SH3BP5: variants seen among roughly 807,000 people sequenced by gnomAD.
SH3BP5 encodes SH3 domain-binding protein 5.
Under a neutral mutation model 43.3 loss-of-function variants are expected in SH3BP5, and 22 were observed. The ratio of observed to expected loss-of-function variants is 0.51; its 90% CI spans 0.36 to 0.73. SH3BP5 has a LOEUF of 0.73. SH3BP5 is among the 30% of genes least tolerant of loss of function. SH3BP5 has a pLI of 0.00. For synonymous variants in SH3BP5, 255 were observed against 225.8 expected (o/e 1.13, Z -1.16); for missense variants, 529 against 586.9 (o/e 0.90, Z 1.02).
At chr3:15,317,070 G>A (rs921068932) in intron 2 of SH3BP5, among the ~76,000 whole-genome samples, 2 of 152,246 alleles carry the variant, frequency 1.3e-5, no homozygotes, top group Non-Finnish European at 1.5e-5. Flanking sequence ...CTTCACATAT[G>A]TCCTCAACTG....
chr3:15,262,520 G>C (rs1415212619), intron 4 of SH3BP5, among the ~76,000 whole-genome samples: 3 of 152,146 alleles, frequency 2.0e-5, no homozygotes, highest in Non-Finnish European at 4.4e-5. Flanking sequence ...AGCCGGGCCT[G>C]GTGGTGTGCT....
chr3:15,313,775 A>T (rs564401972), intron 2 of SH3BP5, among the ~76,000 whole-genome samples: 1 of 152,296 alleles, frequency 6.6e-6, no homozygotes, highest in East Asian at 1.9e-4. Flanking sequence ...AACACTTGAA[A>T]TGTGGCTGGT....
chr3:15,325,620 G>A (rs1698440747), intron 2 of SH3BP5, among the ~76,000 whole-genome samples: 1 of 152,192 alleles, frequency 6.6e-6, no homozygotes, highest in Non-Finnish European at 1.5e-5. Flanking sequence ...CCTCTGCAAT[G>A]TAAGCCTCAG....
intron 2 of SH3BP5, among the ~76,000 whole-genome samples, chr3:15,305,110 CTG>C (rs1697865293): frequency 6.8e-6 from 1 of 148,032 alleles, no homozygotes; most frequent in East Asian, 2.0e-4. Context: ...GAGTGAGACA[CTG>C]TCTCAAAAAA....
chr3:15,293,443 G>A (rs1256803019), intron 3 of SH3BP5, among the ~76,000 whole-genome samples: 1 of 152,240 alleles, frequency 6.6e-6, no homozygotes, highest in Non-Finnish European at 1.5e-5. Context: ...CAGGAACAGG[G>A]CACCATGAGG....
chr3:15,334,249 G>A (rs1698673953), upstream of SH3BP5, among the ~76,000 whole-genome samples: 1 of 151,928 alleles, frequency 6.6e-6, no homozygotes, highest in South Asian at 2.1e-4. Flanking sequence ...TGGAGATCTG[G>A]GCCAGCTATA....
intron 3 of SH3BP5, among the ~76,000 whole-genome samples, chr3:15,293,152 A>G (rs566431716): frequency 6.6e-6 from 1 of 152,394 alleles, no homozygotes; most frequent in South Asian, 2.1e-4. Context: ...GTCCATGCTC[A>G]GTTCTTGCCA....
chr3:15,278,749 C>T (rs1257142138), intron 3 of SH3BP5, among the ~76,000 whole-genome samples: 2 of 152,086 alleles, frequency 1.3e-5, no homozygotes, highest in African/African-American at 2.4e-5. Flanking sequence ...AGGATTGATT[C>T]CTTTCTATTT....
At chr3:15,328,406 C>T (rs1698518505) in intron 2 of SH3BP5, among the ~76,000 whole-genome samples, 1 of 147,730 alleles carries the variant, frequency 6.8e-6, no homozygotes, top group African/African-American at 2.5e-5. Flanking sequence ...CAACTAGAAT[C>T]AATCAATGCT....
intron 3 of SH3BP5, among the ~76,000 whole-genome samples, chr3:15,275,499 C>A (rs185174724): frequency 3.3e-5 from 5 of 152,304 alleles, no homozygotes; most frequent in Admixed American, 6.5e-5. Context: ...GGGCTCTATG[C>A]TCTCAGGTCC....
At chr3:15,320,640 A>ACACACACACACACACCCC (rs373879792) in intron 2 of SH3BP5, among the ~76,000 whole-genome samples, 9 of 149,678 alleles carry the variant, frequency 6.0e-5, no homozygotes, top group African/African-American at 2.0e-4. Flanking sequence ...ACACACACAC[A>ACACACACACACACACCCC]CCCCACTACG....
intron 3 of SH3BP5, among the ~76,000 whole-genome samples, chr3:15,276,300 T>C (rs988680): frequency 0.014 from 2,066 of 152,200 alleles, 41 homozygotes; most frequent in African/African-American, 0.046. Flanking sequence ...GGAGGGAGTT[T>C]ACAGACCTCC....
intron 2 of SH3BP5, among the ~76,000 whole-genome samples, chr3:15,317,706 A>G (rs1015956937): frequency 6.6e-6 from 1 of 152,216 alleles, no homozygotes; most frequent in African/African-American, 2.4e-5. Flanking sequence ...AGGTGGTTCA[A>G]AATTTATTCA....
chr3:15,308,758 T>C (rs1407587881), intron 2 of SH3BP5, among the ~76,000 whole-genome samples: 1 of 152,178 alleles, frequency 6.6e-6, no homozygotes, highest in Non-Finnish European at 1.5e-5. Context: ...TGAAATTCTG[T>C]CTCCCTCTGC....
intron 1 of SH3BP5, among the ~76,000 whole-genome samples, chr3:15,340,746 T>C (rs1322158389): frequency 1.3e-5 from 2 of 150,402 alleles, no homozygotes; most frequent in Non-Finnish European, 3.0e-5. Context: ...AGAGAAACCC[T>C]GTCTCAAAAA....
intron 1 of SH3BP5, among the ~76,000 whole-genome samples, chr3:15,341,044 G>A (rs1330925464): frequency 6.6e-6 from 1 of 152,008 alleles, no homozygotes; most frequent in Non-Finnish European, 1.5e-5. Flanking sequence ...AAGAGTGAAA[G>A]TCCGCCTCAA....
intron 2 of SH3BP5, among the ~76,000 whole-genome samples, chr3:15,309,903 T>G: frequency 8.9e-6 from 1 of 112,798 alleles, no homozygotes; most frequent in African/African-American, 3.7e-5. Context: ...TCTTCCCCGC[T>G]CCACCCCCCC....
At position 15,262,298 on chromosome 3, in the gene SH3BP5, G is replaced by A. The variant is rs763189841; in HGVS notation, c.496-9C>T. 2.5e-6 allele frequency: 4 copies of A among 1,613,998 alleles called. No individual in the cohort carries two copies. Among genetic ancestry groups the A allele is most frequent in the Non-Finnish European group, 3.4e-6 (4 of 1,179,956 alleles). On this transcript the variant is annotated splice_polypyrimidine_tract_variant and intron_variant, in intron 4 of 8. Coordinates refer to ENST00000383791, the MANE Select transcript of SH3BP5 (RefSeq NM_004844.5). ...TGCTCCGCCTCCATGACCTTAAAATGACAGCAGAGTTCAGCCCAGTCCAGC... is the reference window on the plus strand; with the variant it reads ...TGCTCCGCCTCCATGACCTTAAAATAACAGCAGAGTTCAGCCCAGTCCAGC...
At chr3:15,265,315 A>G (rs928056534) in intron 4 of SH3BP5, among the ~76,000 whole-genome samples, 2 of 152,138 alleles carry the variant, frequency 1.3e-5, no homozygotes, top group African/African-American at 4.8e-5. Context: ...CAGGAGTTCA[A>G]GACCAACCTG....
Sources: allele counts gnomAD v4.1 joint callset (sites outside exome capture counted in the v4.1 genomes callset), GRCh38; gene constraint gnomAD v4.1.1; transcripts MANE v1.5; gene names NCBI Gene and HGNC (gene_info 2026-07-23, HGNC 2026-07-21).